PTPRD: variants seen among roughly 807,000 people sequenced by gnomAD.
PTPRD encodes the protein receptor-type tyrosine-protein phosphatase delta.
PTPRD carries 34 observed loss-of-function variants against 214.5 expected under a neutral mutation model. The observed-to-expected ratio is 0.16, with a 90% confidence interval of 0.12 to 0.21. PTPRD has a LOEUF of 0.21. PTPRD is among the 10% of genes least tolerant of loss of function. The pLI is 1.00. For synonymous variants in PTPRD, 1,128 were observed against 845.7 expected, an observed-to-expected ratio of 1.33 and a Z score of -5.79; for missense variants, 2,545 against 2,398.7, an observed-to-expected ratio of 1.06 and a Z score of -1.27.
At chr9:8,500,598 C>A (rs150200294) in intron 24 of PTPRD, among the ~76,000 whole-genome samples, 156 bp downstream of exon 24, 157 of 80,866 alleles carry the variant, frequency 1.9e-3, no homozygotes, top group African/African-American at 7.7e-3. Flanking sequence ...AAAGGCCAGG[C>A]TGTAGCAAAG....
At chr9:8,532,200 G>A (rs577984465) in intron 14 of PTPRD, among the ~76,000 whole-genome samples, 5 of 151,984 alleles carry the variant, frequency 3.3e-5, no homozygotes, top group African/African-American at 9.7e-5. Context: ...GCTGTTACAC[G>A]TTGACAGTTG....
chr9:10,543,734 C>G (rs2059637436), intron 2 of PTPRD, among the ~76,000 whole-genome samples: 1 of 152,216 alleles, frequency 6.6e-6, no homozygotes, highest in African/African-American at 2.4e-5. Flanking sequence ...ATGGTTGGCT[C>G]TGGTGCCAAG....
rs373588955 is a variant in PTPRD at position 8,471,079 on chromosome 9, G to A, written c.3420C>T (p.Tyr1140=). The A allele has an allele frequency of 8.7e-6, 14 of 1,612,786 alleles. No homozygotes were observed. The Middle Eastern group carries it at 1.7e-3, about 190-fold the overall frequency. Reference sequence around the variant, plus strand: ...TCTTCAAAGGCACAATTATTATGTAGTAACCTCTGCACAAGAATGAATAGA... The same window carrying A: ...TCTTCAAAGGCACAATTATTATGTAATAACCTCTGCACAAGAATGAATAGA... ...EVPANENIKG[Y]YIIIVPLKKS... is the part of the protein sequence containing the mutation. Residue 1140 remains tyrosine, a synonymous_variant, in exon 31 of 46, where the codon TAC becomes TAT. Coordinates refer to ENST00000381196, the MANE Select transcript of PTPRD (RefSeq NM_002839.4).
chr9:9,871,384 T>C (rs937994939), intron 5 of PTPRD, among the ~76,000 whole-genome samples: 2 of 152,220 alleles, frequency 1.3e-5, no homozygotes, highest in African/African-American at 2.4e-5. Context: ...GTATCCTTGA[T>C]GGAGCCTTGT....
At chr9:9,775,994 T>C (rs1009046122) in intron 5 of PTPRD, among the ~76,000 whole-genome samples, 2 of 151,014 alleles carry the variant, frequency 1.3e-5, no homozygotes, top group Admixed American at 1.3e-4. Flanking sequence ...ATCCTTTTTA[T>C]GTCACTCCCA....
At chr9:10,019,449 A>G (rs950741756) in intron 4 of PTPRD, among the ~76,000 whole-genome samples, 33 of 152,114 alleles carry the variant, frequency 2.2e-4, no homozygotes, top group Non-Finnish European at 4.4e-5. Flanking sequence ...AGGATTATAA[A>G]TCATGCTGCT....
At chr9:8,731,794 C>T (rs977399379) in intron 12 of PTPRD, among the ~76,000 whole-genome samples, 15 of 152,142 alleles carry the variant, frequency 9.9e-5, no homozygotes, top group African/African-American at 3.6e-4. Context: ...AATACACATG[C>T]TATTCAAGAG....
chr9:8,844,745 G>A (rs568241789), intron 11 of PTPRD, among the ~76,000 whole-genome samples: 3 of 152,254 alleles, frequency 2.0e-5, no homozygotes, highest in Non-Finnish European at 4.4e-5. Flanking sequence ...CTATATGCTA[G>A]GTCACAGGAA....
chr9:8,381,049 G>A (rs1486704983), intron 37 of PTPRD, among the ~76,000 whole-genome samples: 1 of 152,118 alleles, frequency 6.6e-6, no homozygotes, highest in African/African-American at 2.4e-5. Flanking sequence ...AGATTATTTA[G>A]CCAAAGAAGG....
At chr9:9,438,469 T>C (rs2086202235) in intron 8 of PTPRD, among the ~76,000 whole-genome samples, 1 of 152,184 alleles carries the variant, frequency 6.6e-6, no homozygotes, top group Non-Finnish European at 1.5e-5. Flanking sequence ...GTGAAAGTCA[T>C]AATAGACTCC....
chr9:8,861,383 G>A (rs2098101882), intron 11 of PTPRD: 1 of 152,126 alleles, frequency 6.6e-6, no homozygotes, highest in African/African-American at 2.4e-5. Context: ...TGAAAGAAAA[G>A]TAGGAAAAAA....
chr9:10,324,434 C>T (rs1025670758), intron 3 of PTPRD, among the ~76,000 whole-genome samples: 5 of 152,012 alleles, frequency 3.3e-5, no homozygotes, highest in African/African-American at 1.2e-4. Flanking sequence ...GACTTCATAG[C>T]AAGAATGAAA....
chr9:9,617,106 G>A (rs1186217993), intron 7 of PTPRD, among the ~76,000 whole-genome samples: 1 of 152,100 alleles, frequency 6.6e-6, no homozygotes, highest in Non-Finnish European at 1.5e-5. Flanking sequence ...ATGTGATGCT[G>A]AGCTTAATTG....
At chr9:9,548,362 A>T (rs1277764430) in intron 8 of PTPRD, among the ~76,000 whole-genome samples, 2 of 151,840 alleles carry the variant, frequency 1.3e-5, no homozygotes, top group East Asian at 3.9e-4. Context: ...AGTGTATGAC[A>T]GAGCTTGATT....
chr9:9,075,079 A>G (rs896016647), intron 10 of PTPRD, among the ~76,000 whole-genome samples: 1 of 152,090 alleles, frequency 6.6e-6, no homozygotes, highest in Non-Finnish European at 1.5e-5. Context: ...TAATGGTCAA[A>G]TGCTTATTGT....
chr9:10,463,601 A>T (rs1209394678), intron 2 of PTPRD, among the ~76,000 whole-genome samples: 1 of 151,870 alleles, frequency 6.6e-6, no homozygotes, highest in African/African-American at 2.4e-5. Flanking sequence ...AATAGTCTTA[A>T]ATTTCAAGGA....
chr9:9,592,753 A>T (rs1345722303), intron 7 of PTPRD, among the ~76,000 whole-genome samples: 2 of 151,966 alleles, frequency 1.3e-5, no homozygotes, highest in African/African-American at 4.8e-5. Flanking sequence ...TAGCAACAGG[A>T]TTATATGGCT....
intron 11 of PTPRD, among the ~76,000 whole-genome samples, chr9:8,980,993 C>G (rs1430931835): frequency 1.3e-5 from 2 of 151,932 alleles, no homozygotes; most frequent in African/African-American, 4.8e-5. Context: ...TATGGGCCTC[C>G]TAGGAGTTGA....
intron 2 of PTPRD, among the ~76,000 whole-genome samples, chr9:10,494,043 A>T (rs1762991414): frequency 6.6e-6 from 1 of 151,950 alleles, no homozygotes; most frequent in African/African-American, 2.4e-5. Flanking sequence ...TGTAATTAAC[A>T]CGCTGGGATT....
Sources: allele counts gnomAD v4.1 joint callset (sites outside exome capture counted in the v4.1 genomes callset), GRCh38; gene constraint gnomAD v4.1.1; transcripts MANE v1.5; gene names NCBI Gene and HGNC (gene_info 2026-07-23, HGNC 2026-07-21).